PTPN9: variants seen among roughly 807,000 people sequenced by gnomAD.
The protein encoded by PTPN9 is protein tyrosine phosphatase non-receptor type 9.
A neutral mutation model predicts 69.8 loss-of-function variants in PTPN9; 26 were observed. The observed-to-expected ratio is 0.37, with a 90% CI of 0.27 to 0.52. The LOEUF (loss-of-function observed/expected upper bound fraction) is 0.52, where lower values mean the gene tolerates loss of function less well. Among genes scored for constraint, PTPN9 ranks in the 20% least tolerant of loss-of-function variants. The pLI is 0.91. For missense variants in PTPN9, 549 were observed against 740.3 expected, an observed-to-expected ratio of 0.74 and a Z score of 3.00; for synonymous variants, 274 against 272.5, an observed-to-expected ratio of 1.01 and a Z score of -0.05.
chr15:75,472,817 A>C (rs2074575272), intron 10 of PTPN9, among the ~76,000 whole-genome samples: 1 of 150,704 alleles, frequency 6.6e-6, no homozygotes, highest in Admixed American at 6.6e-5. Context: ...GCGTGGTGGC[A>C]CATGCCCGTA....
intron 1 of PTPN9, among the ~76,000 whole-genome samples, chr15:75,560,302 T>C (rs955448975): frequency 8.5e-5 from 13 of 152,138 alleles, no homozygotes; most frequent in Non-Finnish European, 1.8e-4. Context: ...AAAACAAAAG[T>C]ATGTGGAAAA....
intron 1 of PTPN9, chr15:75,570,296 G>A (rs911400447): frequency 6.6e-6 from 1 of 152,082 alleles, no homozygotes. Flanking sequence ...GGTCCTTGAC[G>A]TATGGTAACT....
At chr15:75,495,328 A>G (rs1162061043) in intron 7 of PTPN9, among the ~76,000 whole-genome samples, 1 of 152,224 alleles carries the variant, frequency 6.6e-6, no homozygotes, top group Non-Finnish European at 1.5e-5. Flanking sequence ...GTCTCAGGAA[A>G]AAAAAAATAG....
At position 75,505,717 on chromosome 15, in the gene PTPN9, T is replaced by C; in HGVS notation, c.926A>G (p.Asp309Gly). Reference sequence around the variant, plus strand: ...GCCAACAGGGTTCTCACGACGAATGTCTTCATATTCCTCATAGATTCCTTG... The same window carrying C: ...GCCAACAGGGTTCTCACGACGAATGCCTTCATATTCCTCATAGATTCCTTG... ...QKQGIYEEYE[D>G]IRRENPVGTF... Residue 309 changes from aspartate (D) to glycine (G), a missense_variant, in exon 7 of 13, where the codon GAC becomes GGC. Physicochemically the swap from Asp to Gly is moderately conservative, Grantham distance 94. Transcript: ENST00000618819. The C allele has an allele frequency of 1.2e-6, 2 of 1,614,098 alleles. No individual in the cohort carries two copies. The highest frequency in any genetic ancestry group is 8.5e-7 in the Non-Finnish European group (1 of 1,179,978).
At chr15:75,478,862 C>T (rs771150672) in intron 9 of PTPN9, among the ~76,000 whole-genome samples, 2 of 152,232 alleles carry the variant, frequency 1.3e-5, no homozygotes, top group Non-Finnish European at 2.9e-5. Flanking sequence ...CTGCAGTGGT[C>T]AAAGGGCCTT....
intron 1 of PTPN9, among the ~76,000 whole-genome samples, chr15:75,527,878 A>G (rs760702522): frequency 1.4e-4 from 22 of 152,064 alleles, no homozygotes; most frequent in Non-Finnish European, 2.5e-4. Context: ...AAGAAAGAAA[A>G]AAAAAGAAAA....
intron 1 of PTPN9, among the ~76,000 whole-genome samples, chr15:75,530,199 C>CAAA (rs1171614508): frequency 4.2e-4 from 12 of 28,236 alleles, no homozygotes; most frequent in African/African-American, 1.3e-3. Flanking sequence ...GACTCCATCT[C>CAAA]AAAAAAAAAA....
Position 75,507,316 on chromosome 15 carries a change from G to A in PTPN9, c.640-1313C>T, listed in dbSNP as rs181047603. Among the ~76,000 whole-genome samples the A allele has an allele frequency of 3.6e-3, 552 of 151,966 alleles. 3 individuals carry two copies. The highest frequency in any genetic ancestry group is 0.012 in the African/African-American group (512 of 41,486). ...CAAGAATTAGCTGGGCATGTTGGCAGGAGCCTGTAATCCCAGCTACTTGGG... is the reference window on the plus strand; with the variant it reads ...CAAGAATTAGCTGGGCATGTTGGCAAGAGCCTGTAATCCCAGCTACTTGGG... On this transcript the variant is annotated intron_variant, in intron 6 of 12. Transcript: ENST00000618819.
At chr15:75,530,350 G>A (rs367859267) in intron 1 of PTPN9, among the ~76,000 whole-genome samples, 4 of 134,992 alleles carry the variant, frequency 3.0e-5, no homozygotes, top group South Asian at 2.2e-4. Context: ...CCTGGCCAAC[G>A]TAGTGAGATC....
intron 7 of PTPN9, among the ~76,000 whole-genome samples, chr15:75,501,835 T>C (rs1252910150): frequency 2.6e-5 from 4 of 151,978 alleles, no homozygotes; most frequent in African/African-American, 9.7e-5. Context: ...AATTAAAACA[T>C]GGTAAGAGAA....
rs904893901 is a variant in PTPN9, at chr15:75,552,136, C to G, written c.64-24875G>C. 4.0e-5 allele frequency among the ~76,000 whole-genome samples: 6 copies of G among 151,776 alleles called. No individual in the cohort carries two copies. In the East Asian group the frequency reaches 1.2e-3, roughly 30 times the overall value. ...AAGCACTGCCGGGCACGGCGGCTCA[C>G]GTCTGTAATTCCAGCACTTTGGGAG... On this transcript the variant is annotated intron_variant, in intron 1 of 12. Coordinates refer to ENST00000618819, the MANE Select transcript of PTPN9 (RefSeq NM_002833.4).
At chr15:75,534,225 T>C (rs757288386) in intron 1 of PTPN9, among the ~76,000 whole-genome samples, 54 of 152,204 alleles carry the variant, frequency 3.5e-4, no homozygotes, top group Non-Finnish European at 6.5e-4. Flanking sequence ...TGAATGTTCA[T>C]TCTCTTTTTT....
intron 1 of PTPN9, among the ~76,000 whole-genome samples, chr15:75,531,908 T>G (rs569870995): frequency 6.6e-6 from 1 of 152,290 alleles, no homozygotes; most frequent in East Asian, 1.9e-4. Flanking sequence ...TAAATACAGT[T>G]CTCTAGTGGG....
intron 1 of PTPN9, among the ~76,000 whole-genome samples, chr15:75,558,458 G>A (rs950427778): frequency 2.2e-4 from 34 of 152,176 alleles, no homozygotes; most frequent in Non-Finnish European, 4.9e-4. Flanking sequence ...AGTGAGCCAA[G>A]ACTGCACCAC....
chr15:75,553,868 A>C (rs1208298454), intron 1 of PTPN9, among the ~76,000 whole-genome samples: 1 of 152,182 alleles, frequency 6.6e-6, no homozygotes, highest in Non-Finnish European at 1.5e-5. Context: ...TACTCAAGAA[A>C]GTAGGACTCT....
intron 1 of PTPN9, among the ~76,000 whole-genome samples, chr15:75,534,305 C>G (rs1013957579): frequency 6.6e-6 from 1 of 152,204 alleles, no homozygotes; most frequent in African/African-American, 2.4e-5. Context: ...CATATGACCT[C>G]TGTTGCTTCC....
Position 75,470,807 on chromosome 15 carries a change from T to C in PTPN9, c.1232A>G (p.Lys411Arg). The change falls in exon 11 of 13, where the codon AAG becomes AGG. Residue 411 changes from lysine to arginine, a missense_variant. Lys to Arg is a conservative substitution (Grantham distance 26, BLOSUM62 2). Around this residue, in one of 3 missense-constraint regions of PTPN9, gnomAD observed 457 missense variants for 661.9 expected, o/e 0.69. Transcript: ENST00000618819. ...TTRFEEGGRR[K>R]CGQYWPLEKD... ...TTCTAAAGGCCAGTACTGGCCACAC[T>C]TTCTCCTGCCGCCTTCCTCAAAGCT... 1 of 1,614,136 alleles carries C rather than the reference T, an allele frequency of 6.2e-7. No homozygotes were observed. Among genetic ancestry groups the C allele is most frequent in the South Asian group, 1.1e-5 (1 of 91,080 alleles).
At chr15:75,522,875 C>T (rs2074911339) in intron 4 of PTPN9, among the ~76,000 whole-genome samples, 4 of 152,162 alleles carry the variant, frequency 2.6e-5, no homozygotes, top group African/African-American at 7.2e-5. Flanking sequence ...TGAAGATTGC[C>T]GATAATTGAC....
chr15:75,505,156 AC>A (rs1245795708), intron 7 of PTPN9, among the ~76,000 whole-genome samples: 4 of 151,256 alleles, frequency 2.6e-5, no homozygotes, highest in African/African-American at 9.7e-5. Flanking sequence ...CGGTGACCTT[AC>A]CCCCAACCCT....
Sources: allele counts gnomAD v4.1 joint callset (sites outside exome capture counted in the v4.1 genomes callset), GRCh38; gene constraint gnomAD v4.1.1; regional missense constraint gnomAD v4.1.1; transcripts MANE v1.5; gene names NCBI Gene and HGNC (gene_info 2026-07-23, HGNC 2026-07-21).